The following SRGAP2 variants were observed in gnomAD, a reference collection of about 807,000 sequenced individuals.
The protein encoded by SRGAP2 is SLIT-ROBO Rho GTPase-activating protein 2.
A neutral mutation model predicts 57.2 loss-of-function variants in SRGAP2; 15 were observed. The ratio of observed to expected loss-of-function variants is 0.26; its 90% CI spans 0.18 to 0.40. The LOEUF (loss-of-function observed/expected upper bound fraction) is 0.40, where lower values mean the gene tolerates loss of function less well. Among genes scored for constraint, SRGAP2 ranks in the 10% least tolerant of loss-of-function variants. The pLI is 1.00. For synonymous variants in SRGAP2, 249 were observed against 248.0 expected (o/e 1.00, Z -0.04); for missense variants, 520 against 669.6 (o/e 0.78, Z 2.47).
chr1:206,436,186 T>C (rs1378982605), intron 14 of SRGAP2, among the ~76,000 whole-genome samples: 1 of 152,204 alleles, frequency 6.6e-6, no homozygotes, highest in African/African-American at 2.4e-5. Flanking sequence ...GCCAAAAGAT[T>C]GGATGCTCCT....
intron 3 of SRGAP2, among the ~76,000 whole-genome samples, chr1:206,309,447 T>G (rs1672466381): frequency 7.2e-6 from 1 of 138,166 alleles, no homozygotes; most frequent in African/African-American, 2.8e-5. Flanking sequence ...TGGGGTAATC[T>G]ACACACAAAG....
intron 13 of SRGAP2, among the ~76,000 whole-genome samples, chr1:206,428,469 C>CCTACT (rs1402629134): frequency 6.6e-6 from 1 of 151,060 alleles, no homozygotes; most frequent in Non-Finnish European, 1.5e-5. Context: ...AAAATAAAAC[C>CCTACT]CTACTAGTTT....
intron 7 of SRGAP2, 119 bp from the exon 8 acceptor site, chr1:206,401,302 C>T (rs79045114): frequency 0.022 from 15,933 of 715,926 alleles, 619 homozygotes; most frequent in African/African-American, 0.13. Flanking sequence ...TGTCAGCCCT[C>T]TTTCTACTGC....
chr1:206,416,348 G>C (rs1285890734), intron 11 of SRGAP2, among the ~76,000 whole-genome samples: 5 of 152,212 alleles, frequency 3.3e-5, no homozygotes, highest in African/African-American at 9.6e-5. Flanking sequence ...GAGCAAGAAG[G>C]TAGGGAGCTG....
At chr1:206,229,927 T>TACACAC (rs1293699335) in intron 2 of SRGAP2, among the ~76,000 whole-genome samples, 4 of 113,290 alleles carry the variant, frequency 3.5e-5, no homozygotes, top group African/African-American at 1.2e-4. Flanking sequence ...TATGTACACA[T>TACACAC]ACATACACAC....
Position 206,363,126 on chromosome 1 carries a change from T to C in SRGAP2, c.423+20118T>C, listed in dbSNP as rs527817940. Among the ~76,000 whole-genome samples, 7 of 152,180 alleles carry C rather than the reference T, an allele frequency of 4.6e-5. No individual in the cohort carries two copies. In the East Asian group the frequency reaches 1.4e-3, roughly 29 times the overall value. ...GCAGAAAGCAAGGAAGTATAATAGA[T>C]GAAAAGCGTTCCGGAACTACAGGTG... On this transcript the variant is annotated intron_variant, in intron 4 of 22. Transcript: ENST00000573034.
intron 3 of SRGAP2, among the ~76,000 whole-genome samples, chr1:206,309,789 C>T (rs1215683924): frequency 1.3e-5 from 2 of 151,366 alleles, no homozygotes; most frequent in Non-Finnish European, 2.9e-5. Context: ...CTAGCAGAAT[C>T]TTCGGAGTAA....
At chr1:206,256,159 C>T (rs1669169902) in intron 2 of SRGAP2, among the ~76,000 whole-genome samples, 1 of 151,190 alleles carries the variant, frequency 6.6e-6, no homozygotes, top group Non-Finnish European at 1.5e-5. Context: ...CTTTTAGATG[C>T]TAAGTAAGGA....
At chr1:206,459,069 A>G in intron 22 of SRGAP2, 122 bp downstream of exon 22, 1 of 618,720 alleles carries the variant, frequency 1.6e-6, no homozygotes, top group South Asian at 2.0e-5. Context: ...TATACTGAGT[A>G]TATGTCCACT....
At chr1:206,428,088 G>A (rs1660959986) in intron 13 of SRGAP2, among the ~76,000 whole-genome samples, 1 of 150,704 alleles carries the variant, frequency 6.6e-6, no homozygotes, top group South Asian at 2.1e-4. Flanking sequence ...GGCTACAGAG[G>A]GAAACCCTGT....
Position 206,413,949 on chromosome 1 carries a change from G to A in SRGAP2, c.1357-1940G>A, listed in dbSNP as rs547492099. Among the ~76,000 whole-genome samples, 89 of 152,106 alleles carry A rather than the reference G, an allele frequency of 5.9e-4. 2 individuals are homozygous for A. The highest frequency in any genetic ancestry group is 5.5e-3 in the Admixed American group (84 of 15,278). ...AAACAAGAGAGAGAATCAGATGCAA[G>A]CTCTTAGTTAAAAGTTCACACTGTA... On this transcript the variant is annotated intron_variant, in intron 10 of 22. Coordinates refer to ENST00000573034, the MANE Select transcript of SRGAP2 (RefSeq NM_015326.5).
chr1:206,424,393 G>A (rs547576754), intron 13 of SRGAP2, among the ~76,000 whole-genome samples: 2 of 152,298 alleles, frequency 1.3e-5, no homozygotes, highest in South Asian at 2.1e-4. Flanking sequence ...CAGTGCTCAC[G>A]CCTTTAGTCC....
At chr1:206,436,616 C>A (rs1661783337) in intron 14 of SRGAP2, among the ~76,000 whole-genome samples, 2 of 152,126 alleles carry the variant, frequency 1.3e-5, no homozygotes, top group Non-Finnish European at 2.9e-5. Flanking sequence ...TTCCTGAGTA[C>A]ATTTTTCTAT....
chr1:206,393,507 A>G, intron 6 of SRGAP2, 38 bp from the exon 7 acceptor site: 2 of 760,734 alleles, frequency 2.6e-6, no homozygotes, highest in East Asian at 4.9e-5. Flanking sequence ...CCCCCTTAAA[A>G]AAAAAAAGGT....
intron 4 of SRGAP2, among the ~76,000 whole-genome samples, chr1:206,374,232 G>C (rs1655008192): frequency 6.6e-6 from 1 of 150,840 alleles, no homozygotes; most frequent in South Asian, 2.1e-4. Flanking sequence ...GTTTCACCTT[G>C]GTCTCGATCT....
intron 10 of SRGAP2, among the ~76,000 whole-genome samples, chr1:206,410,562 G>A (rs1041935751): frequency 1.3e-5 from 2 of 152,106 alleles, no homozygotes; most frequent in Admixed American, 6.5e-5. Context: ...GACAACAACT[G>A]ACGTATCTGT....
At chr1:206,361,361 A>G (rs1322756039) in intron 4 of SRGAP2, among the ~76,000 whole-genome samples, 1 of 152,014 alleles carries the variant, frequency 6.6e-6, no homozygotes, top group Non-Finnish European at 1.5e-5. Flanking sequence ...CAACTCCTGC[A>G]TTACCTTCTT....
intron 21 of SRGAP2, among the ~76,000 whole-genome samples, chr1:206,457,693 AG>A (rs1352183985): frequency 6.6e-6 from 1 of 152,208 alleles, no homozygotes; most frequent in African/African-American, 2.4e-5. Flanking sequence ...GAACAGGACT[AG>A]GACTGGCTTA....
chr1:206,454,670 G>A lies in SRGAP2; in HGVS notation c.2361-208G>A, dbSNP rs1358017402. ...AGCTGAGGAGCCCGCAGAACTCAGC[G>A]GATTATTTATTTTTATTTAAACGAC... On this transcript the variant is annotated intron_variant, in intron 20 of 22. Coordinates refer to ENST00000573034, the MANE Select transcript of SRGAP2 (RefSeq NM_015326.5). The surrounding 1 kb of genome is among the most constrained non-coding windows in gnomAD (Gnocchi z 4.3). 2.9e-5 allele frequency: 16 copies of A among 549,436 alleles called. No individual in the cohort carries two copies. Among genetic ancestry groups the A allele is most frequent in the South Asian group, 2.2e-4 (9 of 41,722 alleles). The allele number at this position is 549,436 out of a possible 1,614,324, so 34.0% of individuals were successfully genotyped here. A position where few individuals can be genotyped will look rare whatever the true frequency, so the allele number is the denominator to read the frequency against.
Sources: gnomAD v4.1 joint callset for allele counts (sites outside exome capture counted in the v4.1 genomes callset) on GRCh38, gnomAD v4.1.1 for gene constraint, Gnocchi (gnomAD v3.1) non-coding constraint, MANE v1.5 for transcripts, NCBI Gene and HGNC (gene_info 2026-07-23, HGNC 2026-07-21) for gene names.